PPP6R2: variants seen among roughly 807,000 people sequenced by gnomAD.
The protein encoded by PPP6R2 is serine/threonine-protein phosphatase 6 regulatory subunit 2.
Under a neutral mutation model 100.2 loss-of-function variants are expected in PPP6R2, and 62 were observed. The observed-to-expected ratio is 0.62, with a 90% CI of 0.50 to 0.76. PPP6R2 has a LOEUF of 0.76. Ranked by LOEUF, PPP6R2 falls within the 30% of genes least tolerant of loss-of-function variation. The pLI, the probability that PPP6R2 is intolerant of heterozygous loss-of-function variation, is 0.00. For missense variants in PPP6R2, 1,142 were observed against 1,276.3 expected, an observed-to-expected ratio of 0.89 and a Z score of 1.60; for synonymous variants, 525 against 514.7, an observed-to-expected ratio of 1.02 and a Z score of -0.27.
At chr22:50,442,695 A>G (rs938066550) in intron 22 of PPP6R2, among the ~76,000 whole-genome samples, 20 of 152,074 alleles carry the variant, frequency 1.3e-4, no homozygotes, top group South Asian at 6.2e-4. Context: ...GACTACAGGC[A>G]TCCGCCACCA....
At chr22:50,398,758 G>C (rs543632640) in intron 3 of PPP6R2, among the ~76,000 whole-genome samples, 1 of 151,488 alleles carries the variant, frequency 6.6e-6, no homozygotes, top group African/African-American at 2.4e-5. Context: ...CAGGCAATCT[G>C]CCTGCCTCGG....
At chr22:50,336,098 C>A in the PPP6R2 span, among the ~76,000 whole-genome samples, 1 of 151,910 alleles carries the variant, frequency 6.6e-6, no homozygotes, top group Admixed American at 6.6e-5. Context: ...CATTCTCCCA[C>A]CTCAGCCTCC....
chr22:50,396,762 TC>T (rs1162591358), intron 3 of PPP6R2, among the ~76,000 whole-genome samples: 1 of 152,098 alleles, frequency 6.6e-6, no homozygotes, highest in Non-Finnish European at 1.5e-5. Context: ...GGTCAGTACT[TC>T]ATTTAGGGTG....
upstream of PPP6R2, among the ~76,000 whole-genome samples, chr22:50,339,511 G>GTA (rs2042344256): frequency 7.7e-6 from 1 of 129,178 alleles, no homozygotes; most frequent in African/African-American, 2.9e-5. Flanking sequence ...TTGTGTGTGT[G>GTA]GTGTGTGTGG....
chr22:50,406,534 T>G (rs2058984209), intron 3 of PPP6R2, among the ~76,000 whole-genome samples, 155 bp from the exon 4 acceptor site: 1 of 152,240 alleles, frequency 6.6e-6, no homozygotes, highest in Non-Finnish European at 1.5e-5. Flanking sequence ...AAATACCAGC[T>G]GGTCACAGGT....
At chr22:50,338,573 GGTGTGGTGTGTGTTTGTGGT>G (rs1446040334), upstream of PPP6R2, among the ~76,000 whole-genome samples, 1 of 105,474 alleles carries the variant, frequency 9.5e-6, no homozygotes, top group Non-Finnish European at 1.9e-5. Context: ...GTGTGTGTTT[GGTGTGGTGTGTGTTTGTGGT>G]GTGTGGTGTG....
At chr22:50,349,195 CAAAAA>C (rs892504600) in intron 1 of PPP6R2, among the ~76,000 whole-genome samples, 2 of 61,678 alleles carry the variant, frequency 3.2e-5, no homozygotes, top group Non-Finnish European at 3.1e-5. Context: ...GACTTCCTCT[CAAAAA>C]AAAAAAAAAA....
upstream of PPP6R2, among the ~76,000 whole-genome samples, chr22:50,339,862 AGTGTGTGTGTGGTGTG>A (rs1569219191): frequency 0.064 from 1,500 of 23,392 alleles, 19 homozygotes; most frequent in Non-Finnish European, 0.086. Flanking sequence ...TGTGGTATGT[AGTGTGTGTGTGGTGTG>A]GTGTGTGTGT....
intron 10 of PPP6R2, among the ~76,000 whole-genome samples, chr22:50,429,570 T>TA (rs1363280044): frequency 6.6e-6 from 1 of 152,222 alleles, no homozygotes; most frequent in Non-Finnish European, 1.5e-5. Context: ...TCTTTTCTTG[T>TA]AGTGTCCTCA....
upstream of PPP6R2, among the ~76,000 whole-genome samples, chr22:50,341,865 C>A (rs1037838984): frequency 2.6e-5 from 4 of 152,060 alleles, no homozygotes; most frequent in Admixed American, 6.6e-5. Flanking sequence ...CGGTGGCGGG[C>A]GCCTGTAGTC....
chr22:50,432,301 G>A lies in PPP6R2; in HGVS notation c.1372G>A (p.Glu458Lys). ...GTGCTGCCTGGTGCAGAGGATCCTG[G>A]AGGCCTGGGAAGCCAACGACCACAC... Reference protein sequence around the residue: ...QKCCLVQRILEAWEANDHTQA... With the variant: ...QKCCLVQRILKAWEANDHTQA... Residue 458 changes from glutamate to lysine, a missense_variant, in exon 12 of 24, where the codon GAG becomes AAG. Physicochemically the swap from Glu to Lys is moderately conservative, Grantham distance 56 (BLOSUM62 1). Coordinates refer to ENST00000612753, the MANE Select transcript of PPP6R2 (RefSeq NM_001242898.2). 2 of 1,549,694 alleles carry A rather than the reference G, an allele frequency of 1.3e-6. No individual in the cohort carries two copies. The highest frequency in any genetic ancestry group is 1.7e-6 in the Non-Finnish European group (2 of 1,147,144).
rs142461923 is a variant in PPP6R2 at position 50,392,037 on chromosome 22, G to T, written c.-16-1856G>T. 9.2e-5 allele frequency: 14 copies of T among 151,930 alleles called. No individual in the cohort carries two copies. In the East Asian group the frequency reaches 2.5e-3, roughly 27 times the overall value. 9.4% of individuals were successfully genotyped at this position (151,930 alleles called of 1,614,324 possible). Reference sequence around the variant, plus strand: ...CCAAGTACGTGAGACATCTGGTAGTGCATTTCAGAGAGAGGAGTATCTGAT... The same window carrying T: ...CCAAGTACGTGAGACATCTGGTAGTTCATTTCAGAGAGAGGAGTATCTGAT... On this transcript the variant is annotated intron_variant, in intron 2 of 23. Transcript: ENST00000612753.
At chr22:50,435,848 C>G (rs1040989711) in intron 13 of PPP6R2, among the ~76,000 whole-genome samples, 1 of 152,154 alleles carries the variant, frequency 6.6e-6, no homozygotes, top group African/African-American at 2.4e-5. Flanking sequence ...TTTAAGGAGG[C>G]GAGGGGCAAG....
intron 22 of PPP6R2, among the ~76,000 whole-genome samples, chr22:50,442,486 C>T (rs1190047420): frequency 3.3e-5 from 5 of 152,240 alleles, no homozygotes; most frequent in South Asian, 2.1e-4. Flanking sequence ...CAGAGCCCCT[C>T]GGGTTGAAAG....
chr22:50,439,781 A>AGT lies in PPP6R2; in HGVS notation c.2215_2216dup (p.Trp739CysfsTer100). The AGT allele has an allele frequency of 6.2e-7, 1 of 1,613,836 alleles. No homozygotes were observed. Among genetic ancestry groups the AGT allele is most frequent in the Non-Finnish European group, 8.5e-7 (1 of 1,179,954 alleles). On this transcript the variant is annotated frameshift_variant, in exon 20 of 24. Coordinates refer to ENST00000612753, the MANE Select transcript of PPP6R2 (RefSeq NM_001242898.2). LOFTEE classifies it high-confidence loss of function. ...AGGAGTGGTGAGGGACGTGGGTTCC[A>AGT]GTGTGTGGGCAGCTGGCACCTCAGC...
chr22:50,332,854 C>T, the PPP6R2 span, among the ~76,000 whole-genome samples: 4 of 152,100 alleles, frequency 2.6e-5, no homozygotes, highest in Non-Finnish European at 5.9e-5. Context: ...GATCTCTTGA[C>T]GTCGTGATCC....
At chr22:50,428,390 C>T in intron 10 of PPP6R2, among the ~76,000 whole-genome samples, 1 of 152,122 alleles carries the variant, frequency 6.6e-6, no homozygotes, top group East Asian at 1.9e-4. Context: ...AGCAATTTAT[C>T]TGGAATATTT....
At chr22:50,389,810 A>AACTCCTGACCTC (rs2055059714) in intron 2 of PPP6R2, among the ~76,000 whole-genome samples, 1 of 151,752 alleles carries the variant, frequency 6.6e-6, no homozygotes, top group Non-Finnish European at 1.5e-5. Context: ...GCTGGTCTCG[A>AACTCCTGACCTC]ACTCCTGACC....
intron 2 of PPP6R2, among the ~76,000 whole-genome samples, chr22:50,381,432 T>C (rs112388531): frequency 0.066 from 1,926 of 28,994 alleles, 9 homozygotes; most frequent in Middle Eastern, 0.11. Flanking sequence ...CACCTCAGCA[T>C]CACACGGGCC....
Sources: gnomAD v4.1 joint callset for allele counts (sites outside exome capture counted in the v4.1 genomes callset) on GRCh38, gnomAD v4.1.1 for gene constraint, MANE v1.5 for transcripts, NCBI Gene and HGNC (gene_info 2026-07-23, HGNC 2026-07-21) for gene names.